Variants in GALNT17 observed in about 807,000 individuals in gnomAD.
GALNT17 encodes the protein polypeptide N-acetylgalactosaminyltransferase 17.
Under a neutral mutation model 63.7 loss-of-function variants are expected in GALNT17, and 29 were observed. The observed-to-expected ratio is 0.46, with a 90% confidence interval of 0.34 to 0.62. The LOEUF (loss-of-function observed/expected upper bound fraction) is 0.62, where lower values mean the gene tolerates loss of function less well. Among genes scored for constraint, GALNT17 ranks in the 20% least tolerant of loss-of-function variants. The probability of loss-of-function intolerance (pLI) is 0.01; values close to 1 mark genes in which losing one functional copy is unlikely to be tolerated. For missense variants in GALNT17, 603 were observed against 799.6 expected (o/e 0.75, Z 2.97); for synonymous variants, 305 against 318.3 (o/e 0.96, Z 0.45).
rs1793513285 is a variant in GALNT17, at chr7:71,415,818, C to T, written c.590-71C>T. On this transcript the variant is annotated intron_variant, in intron 3 of 10. Coordinates refer to ENST00000333538, the MANE Select transcript of GALNT17 (RefSeq NM_022479.3). ...TTTGAACTCCCTGAAGATCTGTGGG[C>T]ATTGCAGTGGGTTAGATGCAAATTT... 3 of 1,437,152 alleles carry T rather than the reference C, an allele frequency of 2.1e-6. No individual in the cohort carries two copies. In the South Asian group the frequency reaches 4.7e-5, roughly 23 times the overall value. The allele number at this position is 1,437,152 out of a possible 1,614,324, so 89.0% of individuals were successfully genotyped here. A position where few individuals can be genotyped will look rare whatever the true frequency, so the allele number is the denominator to read the frequency against.
intron 8 of GALNT17, among the ~76,000 whole-genome samples, chr7:71,676,526 A>G (rs1584129504): frequency 1.3e-5 from 2 of 151,908 alleles, no homozygotes; most frequent in South Asian, 4.2e-4. Flanking sequence ...TGGGACTACA[A>G]GTGTTTGCTA....
intron 1 of GALNT17, among the ~76,000 whole-genome samples, chr7:71,146,470 G>C (rs764450685): frequency 1.3e-5 from 2 of 152,166 alleles, no homozygotes; most frequent in African/African-American, 4.8e-5. Context: ...AAGGATGAAG[G>C]GGGAGGGGAC....
chr7:71,422,508 C>G (rs1405715879), intron 5 of GALNT17, among the ~76,000 whole-genome samples: 1 of 152,204 alleles, frequency 6.6e-6, no homozygotes, highest in Admixed American at 6.5e-5. Context: ...GGGAGTGTTC[C>G]CTTATCCCCT....
At chr7:71,258,153 G>T (rs1319148626) in intron 1 of GALNT17, among the ~76,000 whole-genome samples, 3 of 152,222 alleles carry the variant, frequency 2.0e-5, no homozygotes, top group African/African-American at 7.2e-5. Flanking sequence ...GAGAGAAGCT[G>T]CTTCCTGGGA....
At chr7:71,595,256 T>C (rs551612575) in intron 6 of GALNT17, among the ~76,000 whole-genome samples, 2 of 152,012 alleles carry the variant, frequency 1.3e-5, no homozygotes, top group South Asian at 2.1e-4. Context: ...ACCCTGTCCA[T>C]ACAAAAAATA....
intron 7 of GALNT17, among the ~76,000 whole-genome samples, chr7:71,666,086 T>G (rs1041053160): frequency 1.3e-5 from 2 of 152,102 alleles, no homozygotes; most frequent in Admixed American, 1.3e-4. Flanking sequence ...CACAGGAGTG[T>G]CATGCGGTAG....
intron 5 of GALNT17, among the ~76,000 whole-genome samples, chr7:71,449,115 T>TTTTTTC: frequency 8.2e-6 from 1 of 121,304 alleles, no homozygotes; most frequent in Non-Finnish European, 1.7e-5. Context: ...TTTCTTTTTT[T>TTTTTTC]TTTTTTTTTT....
intron 1 of GALNT17, among the ~76,000 whole-genome samples, chr7:71,242,066 G>A (rs538752961): frequency 3.3e-5 from 5 of 152,026 alleles, no homozygotes; most frequent in Non-Finnish European, 7.4e-5. Context: ...TTGAGAGGGA[G>A]CAAGAGAGAG....
chr7:71,347,740 G>C (rs955513057), intron 2 of GALNT17, among the ~76,000 whole-genome samples: 1 of 152,030 alleles, frequency 6.6e-6, no homozygotes, highest in Non-Finnish European at 1.5e-5. Context: ...TGGATCAGAG[G>C]GGGCAGCTGT....
intron 2 of GALNT17, among the ~76,000 whole-genome samples, chr7:71,379,452 G>A (rs746052509): frequency 3.3e-5 from 5 of 152,134 alleles, no homozygotes; most frequent in African/African-American, 7.2e-5. Flanking sequence ...TCTGGTCGCA[G>A]TAGGGTAAGT....
At chr7:71,700,102 G>A (rs918572986) in intron 9 of GALNT17, among the ~76,000 whole-genome samples, 6 of 151,812 alleles carry the variant, frequency 4.0e-5, no homozygotes, top group Middle Eastern at 6.8e-3. Flanking sequence ...GACCAGCCTG[G>A]CCAACATAGC....
chr7:71,701,173 C>T (rs191772900), intron 9 of GALNT17, among the ~76,000 whole-genome samples: 2 of 152,020 alleles, frequency 1.3e-5, no homozygotes, highest in African/African-American at 4.8e-5. Context: ...ATAAGATGAT[C>T]AAGGGAAAGT....
intron 1 of GALNT17, among the ~76,000 whole-genome samples, chr7:71,257,610 G>T (rs1001259161): frequency 1.3e-5 from 2 of 152,148 alleles, no homozygotes; most frequent in African/African-American, 4.8e-5. Flanking sequence ...TTAGTGTGAC[G>T]CTGAACCTCG....
At chr7:71,435,888 C>T (rs184494239) in intron 5 of GALNT17, among the ~76,000 whole-genome samples, 32 of 152,024 alleles carry the variant, frequency 2.1e-4, no homozygotes, top group Non-Finnish European at 3.5e-4. Context: ...GGCGTGGTGG[C>T]GGACGCCTGT....
chr7:71,198,347 G>A (rs1789097176), intron 1 of GALNT17, among the ~76,000 whole-genome samples: 1 of 152,200 alleles, frequency 6.6e-6, no homozygotes, highest in Non-Finnish European at 1.5e-5. Flanking sequence ...AATGGGTGTA[G>A]TGAGTATTTG....
intron 1 of GALNT17, among the ~76,000 whole-genome samples, chr7:71,322,796 TAGCAAGAATG>T (rs1312265444): frequency 6.6e-6 from 1 of 152,130 alleles, no homozygotes; most frequent in African/African-American, 2.4e-5. Flanking sequence ...TGTGAGGATA[TAGCAAGAATG>T]AGGCCATCTG....
chr7:71,133,064 C>T (rs1478551969), intron 1 of GALNT17, 24 bp downstream of exon 1: 1 of 1,508,488 alleles, frequency 6.6e-7, no homozygotes, highest in Non-Finnish European at 8.8e-7. Flanking sequence ...CCGGCGCCTC[C>T]GGGGCTCGAC....
At chr7:71,569,791 A>G (rs1208464195) in intron 5 of GALNT17, among the ~76,000 whole-genome samples, 1 of 152,122 alleles carries the variant, frequency 6.6e-6, no homozygotes, top group Non-Finnish European at 1.5e-5. Context: ...TGATGAGCAC[A>G]TGGGTTGATT....
At chr7:71,305,697 A>G (rs1337911278) in intron 1 of GALNT17, among the ~76,000 whole-genome samples, 4 of 152,166 alleles carry the variant, frequency 2.6e-5, no homozygotes, top group Non-Finnish European at 5.9e-5. Context: ...TAAAGGACTT[A>G]CTAGGTTGGC....
Sources: gnomAD v4.1 joint callset for allele counts (sites outside exome capture counted in the v4.1 genomes callset) on GRCh38, gnomAD v4.1.1 for gene constraint, MANE v1.5 for transcripts, NCBI Gene and HGNC (gene_info 2026-07-23, HGNC 2026-07-21) for gene names.